DMD: variants seen among roughly 807,000 people sequenced by gnomAD.
The protein encoded by DMD is dystrophin, also known as mutant dystrophin.
A neutral mutation model predicts 330.1 loss-of-function variants in DMD; 63 were observed. The ratio of observed to expected loss-of-function variants is 0.19; its 90% CI spans 0.16 to 0.24. The LOEUF is 0.24. Ranked by LOEUF, DMD falls within the 10% of genes least tolerant of loss-of-function variation. DMD has a pLI of 1.00. For synonymous variants in DMD, 1,223 were observed against 959.8 expected (o/e 1.27, Z -5.07); for missense variants, 3,344 against 2,684.1 (o/e 1.25, Z -5.43).
At chrX:31,129,701 T>C (rs1469657959) in intron 77 of DMD, among the ~76,000 whole-genome samples, 2 of 112,041 alleles carry the variant, frequency 1.8e-5, no homozygotes, top group Non-Finnish European at 3.8e-5. Flanking sequence ...GCATTTGGGC[T>C]GTATGTAGTT....
At chrX:32,554,860 G>C (rs1569189847) in intron 16 of DMD, among the ~76,000 whole-genome samples, 2 of 60,023 alleles carry the variant, frequency 3.3e-5, no homozygotes, top group Non-Finnish European at 7.3e-5. Context: ...GAGAGAGAGA[G>C]AGAGAGAGAG....
intron 11 of DMD, among the ~76,000 whole-genome samples, chrX:32,627,153 C>CT (rs1406944953): frequency 4.8e-5 from 3 of 62,002 alleles, no homozygotes; most frequent in Non-Finnish European, 8.1e-5. Context: ...TCCCCGCCCC[C>CT]CCCCCCGCCC....
chrX:31,182,194 A>T (rs1360759589), intron 68 of DMD, among the ~76,000 whole-genome samples: 2 of 112,006 alleles, frequency 1.8e-5, no homozygotes, highest in African/African-American at 6.5e-5. Flanking sequence ...TACTATACAA[A>T]GAATGTAATC....
intron 43 of DMD, among the ~76,000 whole-genome samples, chrX:32,287,061 CA>C (rs751077556): frequency 1.3e-3 from 138 of 107,418 alleles, no homozygotes; most frequent in African/African-American, 4.3e-3. Context: ...TTCCCCATGG[CA>C]AAAAAAAATG....
intron 1 of DMD, among the ~76,000 whole-genome samples, chrX:33,174,877 G>A (rs964182531): frequency 3.6e-5 from 4 of 111,943 alleles, no homozygotes; most frequent in Non-Finnish European, 5.6e-5. Context: ...ATCATGCATC[G>A]AATCTTGTGG....
At chrX:32,917,057 C>A (rs1249028885) in intron 2 of DMD, among the ~76,000 whole-genome samples, 5 of 110,759 alleles carry the variant, frequency 4.5e-5, no homozygotes, top group African/African-American at 1.6e-4. Context: ...GGGGAGGGAC[C>A]TGGTGGGAGA....
Position 31,921,476 on chromosome X carries a change from C to T in DMD, c.6912+8120G>A, listed in dbSNP as rs183049592. Among the ~76,000 whole-genome samples the T allele has an allele frequency of 4.5e-5, 5 of 111,872 alleles. No individual in the cohort carries two copies. In the East Asian group the frequency reaches 1.1e-3, roughly 25 times the overall value. ...TAACTCTCCTCTCCTTCACCTGTTG[C>T]ATTCATAATAGTAGCACATAGTTCA... On this transcript the variant is annotated intron_variant, in intron 47 of 78. Transcript: ENST00000357033.
intron 21 of DMD, among the ~76,000 whole-genome samples, chrX:32,483,417 T>C (rs956874341): frequency 2.8e-5 from 3 of 107,303 alleles, no homozygotes; most frequent in South Asian, 4.1e-4. Context: ...TTATTACGTA[T>C]TTATATTGTA....
In DMD at chrX:32,338,461, T is replaced by G. The variant is rs182512726; in HGVS notation, c.5922+3639A>C. ...ATATTTTCATTTCCAGACTTTGTTTTTTCAAATCTTCGTTTTCACTTTATA... is the reference window on the plus strand; with the variant it reads ...ATATTTTCATTTCCAGACTTTGTTTGTTCAAATCTTCGTTTTCACTTTATA... On this transcript the variant is annotated intron_variant, in intron 41 of 78. Transcript: ENST00000357033. Among the ~76,000 whole-genome samples, 268 of 111,574 alleles carry G rather than the reference T, an allele frequency of 2.4e-3. 1 individual carries two copies. Among genetic ancestry groups the G allele is most frequent in the African/African-American group, 8.3e-3 (254 of 30,762 alleles).
chrX:31,515,453 C>G (rs1001883473), intron 55 of DMD, among the ~76,000 whole-genome samples: 3 of 111,840 alleles, frequency 2.7e-5, no homozygotes, highest in African/African-American at 9.7e-5. Flanking sequence ...TATCTCTAAG[C>G]TTTTCTGAAA....
At chrX:31,980,276 A>G (rs1238481504) in intron 44 of DMD, among the ~76,000 whole-genome samples, 1 of 111,910 alleles carries the variant, frequency 8.9e-6, no homozygotes, top group Non-Finnish European at 1.9e-5. Flanking sequence ...AACAGCCAAA[A>G]ACTGAAAACC....
chrX:32,925,162 T>TTTG (rs2088873048), intron 2 of DMD, among the ~76,000 whole-genome samples: 1 of 98,277 alleles, frequency 1.0e-5, no homozygotes, highest in African/African-American at 3.8e-5. Context: ...TTTTTTTTTT[T>TTTG]TTTTTTTTTT....
chrX:31,826,618 A>G (rs1048020476), intron 49 of DMD, among the ~76,000 whole-genome samples: 1 of 112,473 alleles, frequency 8.9e-6, no homozygotes, highest in African/African-American at 3.2e-5. Context: ...TCAGGTGTTC[A>G]TCATATAATA....
At chrX:33,325,688 G>A (rs1285372138) in intron 1 of DMD, among the ~76,000 whole-genome samples, 2 of 112,352 alleles carry the variant, frequency 1.8e-5, no homozygotes, top group Non-Finnish European at 3.8e-5. Flanking sequence ...AAAAATGGAA[G>A]TAGATATTTG....
chrX:32,236,857 T>C (rs1160898459), intron 43 of DMD, among the ~76,000 whole-genome samples: 1 of 112,520 alleles, frequency 8.9e-6, no homozygotes, highest in Non-Finnish European at 1.9e-5. Flanking sequence ...GTATTTGACA[T>C]ACAGATGTTC....
At chrX:31,256,228 C>T (rs2147567257) in intron 63 of DMD, among the ~76,000 whole-genome samples, 1 of 112,378 alleles carries the variant, frequency 8.9e-6, no homozygotes, top group South Asian at 3.7e-4. Flanking sequence ...TGAAAGAAAA[C>T]TGATTTCCAG....
intron 43 of DMD, among the ~76,000 whole-genome samples, chrX:32,282,777 C>CA (rs2097425339): frequency 8.9e-6 from 1 of 112,182 alleles, no homozygotes; most frequent in South Asian, 3.7e-4. Flanking sequence ...TGTGCTTAGG[C>CA]AAGTCACATA....
At chrX:31,175,600 G>A (rs753391223) in intron 71 of DMD, among the ~76,000 whole-genome samples, 52 of 110,495 alleles carry the variant, frequency 4.7e-4, no homozygotes, top group African/African-American at 1.6e-3. Context: ...AAAATACAAA[G>A]CCACTTAGTC....
chrX:31,348,473 C>T, intron 61 of DMD, 83 bp downstream of exon 61: 1 of 843,820 alleles, frequency 1.2e-6, no homozygotes, highest in Non-Finnish European at 1.7e-6. Context: ...TAATTCAACT[C>T]TTAATTCTTT....
Sources: allele counts gnomAD v4.1 joint callset (sites outside exome capture counted in the v4.1 genomes callset), GRCh38; gene constraint gnomAD v4.1.1; transcripts MANE v1.5; gene names NCBI Gene and HGNC (gene_info 2026-07-23, HGNC 2026-07-21).